The following ZNF212 variants were observed in gnomAD, a reference collection of about 807,000 sequenced individuals.
ZNF212 encodes Zinc finger protein C2H2-150.
Under a neutral mutation model 47.3 loss-of-function variants are expected in ZNF212, and 32 were observed. The ratio of observed to expected loss-of-function variants is 0.68; its 90% confidence interval spans 0.51 to 0.91. ZNF212 has a LOEUF of 0.91. Among genes scored for constraint, ZNF212 ranks in the 40% least tolerant of loss-of-function variants. The pLI is 0.00. For missense variants in ZNF212, 555 were observed against 622.8 expected, an observed-to-expected ratio of 0.89 and a Z score of 1.16; for synonymous variants, 242 against 253.8, an observed-to-expected ratio of 0.95 and a Z score of 0.44.
chr7:149,241,147 C>T (rs541624651), intron 1 of ZNF212, among the ~76,000 whole-genome samples: 8 of 152,258 alleles, frequency 5.3e-5, no homozygotes, highest in African/African-American at 1.9e-4. Flanking sequence ...TAAAGGTCCA[C>T]CACAGGCCAG....
Position 149,253,716 on chromosome 7 carries a change from A to G in ZNF212, c.789A>G (p.Thr263=), listed in dbSNP as rs777507988. 1.2e-6 allele frequency: 2 copies of G among 1,614,138 alleles called. No homozygotes were observed. The highest frequency in any genetic ancestry group is 1.7e-5 in the Admixed American group (1 of 60,032). ...AGGGCAGTTCTGTCCTCTTGGAAAC[A>G]GGTCCTGGGGACTCTACTCTAGAGG... ...GGQGSSVLLE[T]GPGDSTLEEP... The change falls in exon 5 of 5, where the codon ACA becomes ACG. Residue 263 remains threonine (T), a synonymous_variant. Transcript: ENST00000335870.
In ZNF212 at chr7:149,253,933, C is replaced by G; in HGVS notation, c.1006C>G (p.Arg336Gly). 1 of 1,613,926 alleles carries G rather than the reference C, an allele frequency of 6.2e-7. No homozygotes were observed. ...RYKQQLATHL[R>G]SHSGWGSCTP... ...TAAGCAGCAGCTGGCCACACATCTG[C>G]GCAGCCACTCTGGGTGGGGGTCTTG... Residue 336 changes from arginine to glycine, a missense_variant, in exon 5 of 5, where the codon CGC becomes GGC. Physicochemically the swap from Arg to Gly is moderately radical, Grantham distance 125. Coordinates refer to ENST00000335870, the MANE Select transcript of ZNF212 (RefSeq NM_012256.4).
rs764204182 is a variant in ZNF212 at position 149,254,450 on chromosome 7, G to C, written c.*35G>C. On this transcript the variant is annotated 3_prime_UTR_variant, in exon 5 of 5. Coordinates refer to ENST00000335870, the MANE Select transcript of ZNF212 (RefSeq NM_012256.4). This position sits in a 1 kb window ranked among gnomAD's most constrained non-coding sequence, Gnocchi z 4.5. ...CCCTCGCCCGTCTGGGGGATGGAGG[G>C]GGGTGGCATTGGTTCCCCCGAAGAG... The C allele has an allele frequency of 3.2e-6, 5 of 1,551,020 alleles. No homozygotes were observed. The highest frequency in any genetic ancestry group is 2.2e-5 in the East Asian group (1 of 44,592).
chr7:149,243,458 A>AAAAAAAGAG (rs1563187292), intron 1 of ZNF212, among the ~76,000 whole-genome samples: 1 of 144,342 alleles, frequency 6.9e-6, no homozygotes, highest in Non-Finnish European at 1.5e-5. Flanking sequence ...AAAAAAAAAA[A>AAAAAAAGAG]AGAGAGAGAG....
chr7:149,254,383 C>G lies in ZNF212; in HGVS notation c.1456C>G (p.Leu486Val). The G allele has an allele frequency of 6.2e-7, 1 of 1,605,486 alleles. No individual in the cohort carries two copies. The highest frequency in any genetic ancestry group is 8.5e-7 in the Non-Finnish European group (1 of 1,179,600). ...CCAGCGGGAGCGGGGTGGGCTGGCC[C>G]TGGAGCCCGGAAGGCCCAATGGCCT... ...IHQRERGGLA[L>V]EPGRPNGLL Residue 486 changes from leucine (L) to valine (V), a missense_variant, in exon 5 of 5, where the codon CTG (leucine) becomes GTG (valine). Leu to Val is a conservative substitution (Grantham distance 32). Transcript: ENST00000335870. The surrounding 1 kb of genome is among the most constrained non-coding windows in gnomAD (Gnocchi z 4.5).
Position 149,252,698 on chromosome 7 carries a change from C to T in ZNF212, c.542-8C>T. The stretch of plus-strand genomic sequence containing the variant: ...TCCTGGGCTCACACTGTGCTGTTTC[C>T]CACCCAGAGGTCCTTGGCCAGACAG... On this transcript the variant is annotated splice_polypyrimidine_tract_variant and splice_region_variant and intron_variant, in intron 3 of 4. Transcript: ENST00000335870. 6.2e-7 allele frequency: 1 copy of T among 1,613,832 alleles called. No homozygotes were observed. The highest frequency in any genetic ancestry group is 8.5e-7 in the Non-Finnish European group (1 of 1,179,904).
chr7:149,253,809 G>A lies in ZNF212; in HGVS notation c.882G>A (p.Arg294=). ...GCTGCCCGAAGCAGAAATCTCATAG[G>A]CAGGTACAGCTGGACCAGGAATGTG... ...TVGCPKQKSH[R]QVQLDQECGQ... The change falls in exon 5 of 5, where the codon AGG becomes AGA. Residue 294 remains arginine, a synonymous_variant. Coordinates refer to ENST00000335870, the MANE Select transcript of ZNF212 (RefSeq NM_012256.4). The A allele has an allele frequency of 6.2e-7, 1 of 1,614,048 alleles. No homozygotes were observed. Among genetic ancestry groups the A allele is most frequent in the South Asian group, 1.1e-5 (1 of 91,084 alleles).
intron 4 of ZNF212, 47 bp downstream of exon 4, chr7:149,252,842 G>C (rs11760996): frequency 6.3e-7 from 1 of 1,590,250 alleles, no homozygotes; most frequent in Non-Finnish European, 8.6e-7. Flanking sequence ...GCCCTCTGTA[G>C]CCTAGAGTGA....
In ZNF212 at chr7:149,253,984, C is replaced by T. The variant is rs770051884; in HGVS notation, c.1057C>T (p.Leu353Phe). The change falls in exon 5 of 5, where the codon CTT becomes TTT. Residue 353 changes from leucine (L) to phenylalanine (F), a missense_variant. Physicochemically the swap from Leu to Phe is conservative, Grantham distance 22 (BLOSUM62 0). Transcript: ENST00000335870. ...TACACCTGAGGAGCCAGAGGAGAGCCTTAGGCCCAGGCCACGGCTGAAACC... is the reference window on the plus strand; with the variant it reads ...TACACCTGAGGAGCCAGAGGAGAGCTTTAGGCCCAGGCCACGGCTGAAACC... Reference protein sequence around the residue: ...SCTPEEPEESLRPRPRLKPQT... With the variant: ...SCTPEEPEESFRPRPRLKPQT... 14 of 1,613,972 alleles carry T rather than the reference C, an allele frequency of 8.7e-6. 1 individual carries two copies. Among genetic ancestry groups the T allele is most frequent in the Non-Finnish European group, 1.2e-5 (14 of 1,179,922 alleles).
chr7:149,243,433 CAAAAAAAAAAAAAAAA>C lies in ZNF212; in HGVS notation c.24+3642_24+3657del, dbSNP rs869068988. Among the ~76,000 whole-genome samples the C allele has an allele frequency of 4.6e-4, 26 of 56,022 alleles. No individual in the cohort carries two copies. The Admixed American group carries it at 5.7e-3, about 12-fold the overall frequency. The allele number at this position is 56,022 out of a possible 152,430, so 36.8% of individuals were successfully genotyped here. On this transcript the variant is annotated intron_variant, in intron 1 of 4. Transcript: ENST00000335870. ...TGGGTGACAGAGTGAGACTCCGTCT[CAAAAAAAAAAAAAAAA>C]AAAAAAAAAAGAGAGAGAGAGAGAG...
At chr7:149,240,343 C>T (rs980733749) in intron 1 of ZNF212, among the ~76,000 whole-genome samples, 1 of 152,028 alleles carries the variant, frequency 6.6e-6, no homozygotes, top group African/African-American at 2.4e-5. Context: ...AGTGCAGTTG[C>T]TGCATTTTGT....
At chr7:149,252,649 AG>A (rs1176812496) in intron 3 of ZNF212, 56 bp from the exon 4 acceptor site, 3 of 1,522,058 alleles carry the variant, frequency 2.0e-6, no homozygotes, top group Non-Finnish European at 2.7e-6. Context: ...GCAGCTGATC[AG>A]TGTGCAGTGA....
chr7:149,246,267 A>G (rs1235567751), intron 1 of ZNF212, among the ~76,000 whole-genome samples: 4 of 152,202 alleles, frequency 2.6e-5, no homozygotes, highest in Non-Finnish European at 5.9e-5. Flanking sequence ...ATACAGTAAA[A>G]TTTACTCTTT....
chr7:149,254,731 G>T lies in ZNF212; in HGVS notation c.*316G>T, dbSNP rs948195367. ...GGACTGGTGGCTGGTTCCAGGGCTC[G>T]TCCCGGCATTTCATGTCTTCCCACG... On this transcript the variant is annotated 3_prime_UTR_variant, in exon 5 of 5. Coordinates refer to ENST00000335870, the MANE Select transcript of ZNF212 (RefSeq NM_012256.4). The surrounding 1 kb of genome is among the most constrained non-coding windows in gnomAD (Gnocchi z 4.5). The T allele has an allele frequency of 3.1e-6, 1 of 323,778 alleles. No homozygotes were observed. The highest frequency in any genetic ancestry group is 2.1e-5 in the African/African-American group (1 of 46,902). 20.1% of individuals were successfully genotyped at this position (323,778 alleles called of 1,614,324 possible). A position where few individuals can be genotyped will look rare whatever the true frequency, so the allele number is the denominator to read the frequency against.
At chr7:149,249,574 A>T (rs1796723586) in intron 1 of ZNF212, among the ~76,000 whole-genome samples, 1 of 146,168 alleles carries the variant, frequency 6.8e-6, no homozygotes, top group African/African-American at 2.7e-5. Context: ...AAAAAAAATA[A>T]ACTAAAAGAT....
chr7:149,254,158 C>G lies in ZNF212; in HGVS notation c.1231C>G (p.Leu411Val). The G allele has an allele frequency of 6.2e-7, 1 of 1,614,258 alleles. No individual in the cohort carries two copies. Among genetic ancestry groups the G allele is most frequent in the South Asian group, 1.1e-5 (1 of 91,082 alleles). Residue 411 changes from leucine (L) to valine (V), a missense_variant, in exon 5 of 5, where the codon CTG (leucine) becomes GTG (valine). Coordinates refer to ENST00000335870, the MANE Select transcript of ZNF212 (RefSeq NM_012256.4). This position sits in a 1 kb window ranked among gnomAD's most constrained non-coding sequence, Gnocchi z 4.5. ...HVQERFSPNS[L>V]VALPGHIPWR... ...CCAAGAGAGGTTCTCACCCAACAGC[C>G]TGGTTGCCCTGCCTGGCCACATCCC...
chr7:149,252,863 G>T, intron 4 of ZNF212, 68 bp downstream of exon 4: 1 of 1,509,562 alleles, frequency 6.6e-7, no homozygotes, highest in Non-Finnish European at 9.1e-7. Context: ...GCTTTCCCAC[G>T]GCTGAAGTGC....
intron 1 of ZNF212, among the ~76,000 whole-genome samples, chr7:149,241,144 C>T (rs1315136216): frequency 6.6e-6 from 1 of 152,080 alleles, no homozygotes; most frequent in African/African-American, 2.4e-5. Context: ...CCTTAAAGGT[C>T]CACCACAGGC....
rs763408242 is a variant in ZNF212 at position 149,250,482 on chromosome 7, C to T, written c.348C>T (p.Asn116=). The T allele has an allele frequency of 5.0e-6, 8 of 1,614,080 alleles. No individual in the cohort carries two copies. Among genetic ancestry groups the T allele is most frequent in the Middle Eastern group, 1.7e-4 (1 of 5,960 alleles). Residue 116 remains asparagine, a synonymous_variant, in exon 2 of 5, where the codon AAC becomes AAT. Transcript: ENST00000335870. ...AGAGGCGGCTGGAGAACGTGGAGAA[C>T]CTGCTGCGCAACAGGAACTTCTGGA... ...LLQRRLENVE[N]LLRNRNFWIL...
Sources: allele counts gnomAD v4.1 joint callset (sites outside exome capture counted in the v4.1 genomes callset), GRCh38; gene constraint gnomAD v4.1.1; non-coding constraint Gnocchi (gnomAD v3.1); transcripts MANE v1.5; gene names NCBI Gene and HGNC (gene_info 2026-07-23, HGNC 2026-07-21).